MBNL3: variants seen among roughly 807,000 people sequenced by gnomAD.
MBNL3 encodes muscleblind like splicing regulator 3.
Under a neutral mutation model 24.5 loss-of-function variants are expected in MBNL3, and 6 were observed. The ratio of observed to expected loss-of-function variants is 0.25; its 90% CI spans 0.13 to 0.48. The LOEUF (loss-of-function observed/expected upper bound fraction) is 0.48. Ranked by LOEUF, MBNL3 falls within the 20% of genes least tolerant of loss-of-function variation. The pLI, the probability that MBNL3 is intolerant of heterozygous loss-of-function variation, is 0.99. For synonymous variants in MBNL3, 100 were observed against 101.7 expected, an observed-to-expected ratio of 0.98 and a Z score of 0.10; for missense variants, 230 against 293.5, an observed-to-expected ratio of 0.78 and a Z score of 1.58.
intron 1 of MBNL3, among the ~76,000 whole-genome samples, chrX:132,464,216 T>C (rs1946775024): frequency 8.9e-6 from 1 of 112,483 alleles, no homozygotes; most frequent in Non-Finnish European, 1.9e-5. Context: ...ATTAAAACTT[T>C]CTCTCATTAC....
At chrX:132,438,086 AT>A (rs1451249987) in intron 2 of MBNL3, 1 of 117,397 alleles carries the variant, frequency 8.5e-6, no homozygotes, top group Non-Finnish European at 1.7e-5. Context: ...AAGTGTCAAC[AT>A]GATGTCACAT....
chrX:132,471,637 C>T (rs1460100024), intron 1 of MBNL3, among the ~76,000 whole-genome samples: 1 of 113,176 alleles, frequency 8.8e-6, no homozygotes, highest in African/African-American at 3.2e-5. Flanking sequence ...CTACAGTGAG[C>T]TATGATCGTG....
At chrX:132,446,366 G>A (rs1163127452) in intron 1 of MBNL3, among the ~76,000 whole-genome samples, 1 of 111,850 alleles carries the variant, frequency 8.9e-6, no homozygotes, top group East Asian at 2.8e-4. Context: ...TTGAGGAATC[G>A]TCACACTGTC....
At chrX:132,390,283 A>C (rs1207978505) in intron 5 of MBNL3, among the ~76,000 whole-genome samples, 1 of 105,418 alleles carries the variant, frequency 9.5e-6, no homozygotes, top group African/African-American at 3.4e-5. Context: ...AAAAAAAAAA[A>C]AAAAAAAACC....
rs765834978 is a variant in MBNL3, at chrX:132,422,590, TAA to T, written c.178-16200_178-16199del. On this transcript the variant is annotated intron_variant, in intron 2 of 8. Transcript: ENST00000370853. ...TATAATAGGTCTCCCAAAGAAACAT[TAA>T]GTCTTCCAGAATAGACATCATTTCC... 2.7e-5 allele frequency among the ~76,000 whole-genome samples: 3 copies of T among 112,061 alleles called. No homozygotes were observed. The South Asian group carries it at 1.1e-3, about 42-fold the overall frequency.
upstream of MBNL3, among the ~76,000 whole-genome samples, chrX:132,489,448 C>T (rs1428810784): frequency 9.0e-6 from 1 of 111,526 alleles, no homozygotes; most frequent in Non-Finnish European, 1.9e-5. Context: ...GTGGGGCTCC[C>T]GCCCGGGCTC....
chrX:132,489,698 CCGCGGGCCAGCG>C (rs1422274113), upstream of MBNL3: 1 of 25,747 alleles, frequency 3.9e-5, no homozygotes, highest in Non-Finnish European at 6.8e-5. Flanking sequence ...CCGCGAAACT[CCGCGGGCCAGCG>C]GAGCGCGGGC....
At chrX:132,407,917 C>T (rs1014761408) in intron 2 of MBNL3, among the ~76,000 whole-genome samples, 2 of 108,730 alleles carry the variant, frequency 1.8e-5, no homozygotes, top group African/African-American at 6.7e-5. Flanking sequence ...TCTCTTCCTC[C>T]TCCCACACCC....
chrX:132,389,145 C>G (rs1936680272), intron 5 of MBNL3, among the ~76,000 whole-genome samples: 1 of 112,242 alleles, frequency 8.9e-6, no homozygotes, highest in Non-Finnish European at 1.9e-5. Context: ...ATTACCCCTT[C>G]AAAAGCATTT....
intron 2 of MBNL3, among the ~76,000 whole-genome samples, chrX:132,410,489 G>GA (rs760003948): frequency 0.037 from 3,908 of 106,926 alleles, 168 homozygotes; most frequent in African/African-American, 0.12. Context: ...GAGTTAGAGA[G>GA]AAAAAAAAAA....
At chrX:132,396,967 T>C (rs1487596846) in intron 3 of MBNL3, among the ~76,000 whole-genome samples, 2 of 83,147 alleles carry the variant, frequency 2.4e-5, no homozygotes, top group African/African-American at 8.7e-5. Flanking sequence ...TTCATATATA[T>C]ATGAATATAT....
At chrX:132,470,448 C>T (rs1202672577) in intron 1 of MBNL3, among the ~76,000 whole-genome samples, 1 of 110,394 alleles carries the variant, frequency 9.1e-6, no homozygotes, top group Non-Finnish European at 1.9e-5. Flanking sequence ...TAGGAAAGTC[C>T]TAGGGAGCCA....
chrX:132,463,564 T>C (rs1428561061), intron 1 of MBNL3, among the ~76,000 whole-genome samples: 1 of 112,281 alleles, frequency 8.9e-6, no homozygotes, highest in Non-Finnish European at 1.9e-5. Context: ...CTATTCTCAT[T>C]GTTATCCACA....
At chrX:132,415,710 C>T (rs750285078) in intron 2 of MBNL3, among the ~76,000 whole-genome samples, 4 of 111,721 alleles carry the variant, frequency 3.6e-5, no homozygotes, top group African/African-American at 9.7e-5. Context: ...TCAAATGTCT[C>T]CACTTCAGAA....
At chrX:132,422,125 C>CTG (rs1556333754) in intron 2 of MBNL3, among the ~76,000 whole-genome samples, 2 of 104,006 alleles carry the variant, frequency 1.9e-5, no homozygotes, top group Non-Finnish European at 3.9e-5. Flanking sequence ...TCTGAATATA[C>CTG]TATGTGTGTG....
chrX:132,396,437 T>TATTC (rs1233009541), intron 3 of MBNL3, among the ~76,000 whole-genome samples: 6 of 82,739 alleles, frequency 7.3e-5, no homozygotes, highest in African/African-American at 2.8e-4. Context: ...TTCCTATATA[T>TATTC]ATTCATATAT....
At chrX:132,471,480 T>A (rs1947177418) in intron 1 of MBNL3, among the ~76,000 whole-genome samples, 1 of 111,263 alleles carries the variant, frequency 9.0e-6, no homozygotes, top group Admixed American at 9.5e-5. Context: ...AGCCCAGGAG[T>A]TCAAGACCAG....
intron 2 of MBNL3, among the ~76,000 whole-genome samples, chrX:132,413,780 G>C (rs1204946247): frequency 9.0e-6 from 1 of 111,554 alleles, no homozygotes; most frequent in Non-Finnish European, 1.9e-5. Context: ...GGATGAAGAG[G>C]GGGATGGTGT....
chrX:132,435,070 G>A (rs1005430615), intron 2 of MBNL3, among the ~76,000 whole-genome samples: 5 of 111,336 alleles, frequency 4.5e-5, no homozygotes, highest in Admixed American at 1.9e-4. Flanking sequence ...TTTAAAAGGC[G>A]AGGCTGAACT....
Sources: gnomAD v4.1 joint callset for allele counts (sites outside exome capture counted in the v4.1 genomes callset) on GRCh38, gnomAD v4.1.1 for gene constraint, MANE v1.5 for transcripts, NCBI Gene and HGNC (gene_info 2026-07-23, HGNC 2026-07-21) for gene names.